Variants in DNAAF11 observed in about 807,000 individuals in gnomAD.
DNAAF11 encodes dynein axonemal assembly factor 11.
In DNAAF11, 45 loss-of-function variants were observed where a neutral mutation model predicts 60.8. The observed-to-expected ratio is 0.74, with a 90% CI of 0.58 to 0.95. DNAAF11 has a LOEUF of 0.95. Among genes scored for constraint, DNAAF11 ranks in the 40% least tolerant of loss-of-function variants. The pLI is 0.00. For synonymous variants in DNAAF11, 191 were observed against 183.5 expected (o/e 1.04, Z -0.33); for missense variants, 546 against 546.2 (o/e 1.00, Z 0.00).
At chr8:132,669,907 C>T (rs1037367232) in intron 1 of DNAAF11, among the ~76,000 whole-genome samples, 24 of 141,560 alleles carry the variant, frequency 1.7e-4, no homozygotes, top group African/African-American at 6.4e-4. Flanking sequence ...TGCCACTGCA[C>T]TCCAGCCTGG....
intron 11 of DNAAF11, among the ~76,000 whole-genome samples, chr8:132,579,471 C>T (rs889516465): frequency 6.6e-6 from 1 of 152,094 alleles, no homozygotes; most frequent in African/African-American, 2.4e-5. Context: ...ATTGTATACC[C>T]CTGGACCACG....
Position 132,633,384 on chromosome 8 carries a change from T to A in DNAAF11, c.430-421A>T, listed in dbSNP as rs10464874. ...GGCTCTAATACAAATGAGCCCATGT[T>A]TCACCCTTAACAACAAGACAAACAG... On this transcript the variant is annotated intron_variant, in intron 4 of 11. Coordinates refer to ENST00000620350, the MANE Select transcript of DNAAF11 (RefSeq NM_012472.6). Among the ~76,000 whole-genome samples, 1,087 of 152,266 alleles carry A rather than the reference T, an allele frequency of 7.1e-3. 60 individuals are homozygous for A. The East Asian group carries it at 0.15, about 21-fold the overall frequency.
At chr8:132,672,138 C>T (rs1433288330) in intron 1 of DNAAF11, among the ~76,000 whole-genome samples, 2 of 152,010 alleles carry the variant, frequency 1.3e-5, no homozygotes, top group Non-Finnish European at 2.9e-5. Context: ...ACTCTTAAAA[C>T]TCAAGGATAA....
chr8:132,572,685 T>TAA (rs34229467), intron 11 of DNAAF11, among the ~76,000 whole-genome samples: 33 of 132,878 alleles, frequency 2.5e-4, no homozygotes, highest in African/African-American at 5.3e-4. Flanking sequence ...AGAAAAGTTC[T>TAA]AAAAAAAAAA....
At chr8:132,632,208 G>C (rs1820870965) in intron 5 of DNAAF11, among the ~76,000 whole-genome samples, 1 of 151,878 alleles carries the variant, frequency 6.6e-6, no homozygotes, top group Non-Finnish European at 1.5e-5. Context: ...TACTTTCACT[G>C]TATGGAATCA....
chr8:132,633,398 C>A (rs149448925), intron 4 of DNAAF11, among the ~76,000 whole-genome samples: 73 of 152,196 alleles, frequency 4.8e-4, no homozygotes, highest in African/African-American at 1.4e-3. Context: ...CCCTTAACAA[C>A]AAGACAAACA....
chr8:132,624,006 A>AAAGTAAG (rs1460187358), intron 6 of DNAAF11, among the ~76,000 whole-genome samples: 1 of 152,168 alleles, frequency 6.6e-6, no homozygotes, highest in African/African-American at 2.4e-5. Context: ...ATCTCCATCC[A>AAAGTAAG]ATTCAGCCTT....
chr8:132,627,176 T>C (rs986853643), intron 5 of DNAAF11, among the ~76,000 whole-genome samples: 3 of 152,242 alleles, frequency 2.0e-5, no homozygotes, highest in Admixed American at 6.5e-5. Context: ...TTCTATATAA[T>C]TGCCACTGAA....
At chr8:132,655,682 A>C (rs538155911) in intron 3 of DNAAF11, among the ~76,000 whole-genome samples, 1 of 152,234 alleles carries the variant, frequency 6.6e-6, no homozygotes, top group South Asian at 2.1e-4. Flanking sequence ...TTTCCAAAGA[A>C]GATATTCAAG....
intron 1 of DNAAF11, among the ~76,000 whole-genome samples, chr8:132,673,571 T>TAGG (rs1825397013): frequency 6.6e-6 from 1 of 152,192 alleles, no homozygotes; most frequent in Non-Finnish European, 1.5e-5. Flanking sequence ...CAGGCCTTCC[T>TAGG]TATCTCTTTG....
chr8:132,598,506 G>T (rs1430444008), intron 10 of DNAAF11, among the ~76,000 whole-genome samples: 1 of 152,184 alleles, frequency 6.6e-6, no homozygotes, highest in African/African-American at 2.4e-5. Flanking sequence ...GTAGATATAT[G>T]AATGTAGGTG....
chr8:132,690,721 T>C, the DNAAF11 span, among the ~76,000 whole-genome samples: 1 of 152,318 alleles, frequency 6.6e-6, no homozygotes, highest in African/African-American at 2.4e-5. Flanking sequence ...GCCATGACAG[T>C]TTCTCAGGCT....
chr8:132,625,098 G>C (rs1489279334), intron 6 of DNAAF11, among the ~76,000 whole-genome samples, 174 bp downstream of exon 6: 1 of 152,086 alleles, frequency 6.6e-6, no homozygotes, highest in Non-Finnish European at 1.5e-5. Context: ...AAGGTACTTT[G>C]ATATTAATGA....
At chr8:132,676,785 T>A (rs72725108), upstream of DNAAF11, among the ~76,000 whole-genome samples, 8,588 of 151,788 alleles carry the variant, frequency 0.057, 291 homozygotes, top group South Asian at 0.088. Context: ...AGAGATTAGA[T>A]CGGGGGTAAT....
chr8:132,588,010 C>T (rs1019289346), intron 10 of DNAAF11, among the ~76,000 whole-genome samples: 1 of 152,158 alleles, frequency 6.6e-6, no homozygotes, highest in Non-Finnish European at 1.5e-5. Flanking sequence ...ATAAAAGTTA[C>T]TCATACCAAG....
chr8:132,595,348 G>GAAAAAAAAAAAAAAAAAAAAAA (rs71306394), intron 10 of DNAAF11, among the ~76,000 whole-genome samples: 7 of 57,412 alleles, frequency 1.2e-4, no homozygotes, highest in African/African-American at 6.7e-4. Context: ...AGACAGAGGG[G>GAAAAAAAAAAAAAAAAAAAAAA]AAAAAAAAAA....
At chr8:132,700,844 T>C in the DNAAF11 span, among the ~76,000 whole-genome samples, 2 of 152,198 alleles carry the variant, frequency 1.3e-5, no homozygotes, top group Non-Finnish European at 2.9e-5. Flanking sequence ...AAGGGTGTTA[T>C]AGGAATCAGA....
At chr8:132,572,635 G>A (rs1643402565) in intron 11 of DNAAF11, among the ~76,000 whole-genome samples, 155 bp from the exon 12 acceptor site, 2 of 151,316 alleles carry the variant, frequency 1.3e-5, no homozygotes, top group South Asian at 4.2e-4. Context: ...GCATCAAGAA[G>A]CTTAGAGCCT....
At chr8:132,630,447 G>T (rs924128209) in intron 5 of DNAAF11, among the ~76,000 whole-genome samples, 1 of 151,366 alleles carries the variant, frequency 6.6e-6, no homozygotes, top group Non-Finnish European at 1.5e-5. Context: ...ATTGGCAAAG[G>T]TTAATTCCAG....
Sources: allele counts gnomAD v4.1 joint callset (sites outside exome capture counted in the v4.1 genomes callset), GRCh38; gene constraint gnomAD v4.1.1; transcripts MANE v1.5; gene names NCBI Gene and HGNC (gene_info 2026-07-23, HGNC 2026-07-21).